The following MCTP2 variants were observed in gnomAD, a reference collection of about 807,000 sequenced individuals.
The protein encoded by MCTP2 is multiple C2 and transmembrane domain-containing protein 2.
MCTP2 carries 132 observed loss-of-function variants against 111.6 expected under a neutral mutation model. That is an observed-to-expected ratio of 1.18 (90% confidence interval 1.03 to 1.37). The LOEUF (loss-of-function observed/expected upper bound fraction) is 1.37. MCTP2 is among the 40% of genes most tolerant of loss of function. MCTP2 has a pLI of 0.00. For synonymous variants in MCTP2, 395 were observed against 387.7 expected (o/e 1.02, Z -0.22); for missense variants, 1,183 against 1,067.9 (o/e 1.11, Z -1.50).
Position 94,480,165 on chromosome 15 carries a change from G to A in MCTP2, c.*1131G>A, listed in dbSNP as rs544559588. On this transcript the variant is annotated 3_prime_UTR_variant, in exon 23 of 23. Coordinates refer to ENST00000357742, the MANE Select transcript of MCTP2 (RefSeq NM_001385001.1). Reference sequence around the variant, plus strand: ...CCTGCCATGTAAAAATCCTGACTTTGTGCGTATATAAAATGTATGCAATTA... The same window carrying A: ...CCTGCCATGTAAAAATCCTGACTTTATGCGTATATAAAATGTATGCAATTA... 1 of 152,094 alleles carries A rather than the reference G, an allele frequency of 6.6e-6. No individual in the cohort carries two copies. The highest frequency in any genetic ancestry group is 2.4e-5 in the African/African-American group (1 of 41,402). 9.4% of individuals were successfully genotyped at this position (152,094 alleles called of 1,614,324 possible).
intron 13 of MCTP2, among the ~76,000 whole-genome samples, chr15:94,384,359 T>C (rs1380224146): frequency 1.3e-5 from 2 of 152,228 alleles, no homozygotes; most frequent in Middle Eastern, 3.2e-3. Context: ...TTTTAGTGAC[T>C]AAATTAATCT....
intron 2 of MCTP2, among the ~76,000 whole-genome samples, chr15:94,307,249 A>G (rs1377845938): frequency 6.6e-6 from 1 of 152,178 alleles, no homozygotes; most frequent in Non-Finnish European, 1.5e-5. Flanking sequence ...TGTCATGGAG[A>G]GAAAGAAAGC....
intron 2 of MCTP2, 52 bp from the exon 3 acceptor site, chr15:94,314,230 T>G: frequency 8.1e-7 from 1 of 1,227,894 alleles, no homozygotes; most frequent in East Asian, 2.3e-5. Flanking sequence ...TCTTCCTGAG[T>G]TGGTATTAAT....
At chr15:94,401,327 A>G (rs1371934957) in intron 16 of MCTP2, among the ~76,000 whole-genome samples, 2 of 152,216 alleles carry the variant, frequency 1.3e-5, no homozygotes, top group Non-Finnish European at 2.9e-5. Flanking sequence ...ACCTTGTAAG[A>G]TTAGCACTAA....
chr15:94,422,405 A>T (rs1409501642), intron 17 of MCTP2, among the ~76,000 whole-genome samples: 14 of 152,212 alleles, frequency 9.2e-5, no homozygotes, highest in Non-Finnish European at 4.4e-5. Flanking sequence ...ACAGTTAGTC[A>T]AACTTCAAGC....
chr15:94,300,432 C>A (rs1298374619), intron 2 of MCTP2, among the ~76,000 whole-genome samples: 2 of 149,718 alleles, frequency 1.3e-5, no homozygotes, highest in Non-Finnish European at 3.0e-5. Context: ...ATGGCATGAA[C>A]GCGGGAGGTA....
intron 1 of MCTP2, among the ~76,000 whole-genome samples, chr15:94,232,407 C>T (rs568373279): frequency 1.3e-5 from 2 of 152,228 alleles, no homozygotes; most frequent in East Asian, 3.9e-4. Flanking sequence ...TACAAGGGTG[C>T]GAACCCTTAA....
chr15:94,444,331 C>T (rs150942640), intron 19 of MCTP2, among the ~76,000 whole-genome samples: 294 of 152,296 alleles, frequency 1.9e-3, no homozygotes, highest in Non-Finnish European at 3.5e-3. Flanking sequence ...CTTCCAGAAA[C>T]GGTATTTTTG....
intron 12 of MCTP2, among the ~76,000 whole-genome samples, chr15:94,379,997 T>TATTTCA (rs2080038361): frequency 6.6e-6 from 1 of 151,484 alleles, no homozygotes; most frequent in South Asian, 2.1e-4. Flanking sequence ...TATCCATTTC[T>TATTTCA]GCTCATCAAA....
intron 10 of MCTP2, among the ~76,000 whole-genome samples, chr15:94,360,530 C>T (rs529986508): frequency 6.6e-6 from 1 of 152,286 alleles, no homozygotes; most frequent in Non-Finnish European, 1.5e-5. Flanking sequence ...AACTCTGTGT[C>T]CCAAAGTGTT....
At chr15:94,457,690 T>A (rs575106836) in intron 19 of MCTP2, among the ~76,000 whole-genome samples, 208 of 152,294 alleles carry the variant, frequency 1.4e-3, no homozygotes, top group African/African-American at 4.8e-3. Flanking sequence ...ACTAAGATGC[T>A]CCAGTACTAG....
chr15:94,357,204 G>A (rs1426144756), intron 9 of MCTP2, among the ~76,000 whole-genome samples: 1 of 152,202 alleles, frequency 6.6e-6, no homozygotes, highest in African/African-American at 2.4e-5. Flanking sequence ...AATATTACAT[G>A]TCATCTACTC....
rs568947313 is a variant in MCTP2, at chr15:94,244,120, A to G, written c.-66+12456A>G. Among the ~76,000 whole-genome samples the G allele has an allele frequency of 2.0e-5, 3 of 147,670 alleles. No individual in the cohort carries two copies. The South Asian group carries it at 6.4e-4, about 31-fold the overall frequency. Reference sequence around the variant, plus strand: ...CACATACATATGTGTATATGTTTATATACACATGTATACACATGCATATGT... The same window carrying G: ...CACATACATATGTGTATATGTTTATGTACACATGTATACACATGCATATGT... On this transcript the variant is annotated intron_variant, in intron 1 of 22. Transcript: ENST00000357742.
chr15:94,243,760 T>C (rs1431657379), intron 1 of MCTP2, among the ~76,000 whole-genome samples: 1 of 148,362 alleles, frequency 6.7e-6, no homozygotes, highest in Non-Finnish European at 1.5e-5. Context: ...CACATGCATA[T>C]GTGTATATAT....
At chr15:94,242,921 G>A (rs931744362) in intron 1 of MCTP2, among the ~76,000 whole-genome samples, 3 of 143,624 alleles carry the variant, frequency 2.1e-5, no homozygotes, top group South Asian at 2.2e-4. Flanking sequence ...ACATATACAC[G>A]TACACATATA....
At chr15:94,408,386 G>T (rs2082001601) in intron 17 of MCTP2, among the ~76,000 whole-genome samples, 1 of 152,142 alleles carries the variant, frequency 6.6e-6, no homozygotes, top group Non-Finnish European at 1.5e-5. Context: ...AAATATATAG[G>T]TATATTCAAT....
At chr15:94,259,153 C>T (rs565985114) in intron 1 of MCTP2, among the ~76,000 whole-genome samples, 1 of 152,264 alleles carries the variant, frequency 6.6e-6, no homozygotes, top group East Asian at 1.9e-4. Context: ...CCAGCCTAGT[C>T]CAGGTCATGG....
intron 1 of MCTP2, among the ~76,000 whole-genome samples, chr15:94,297,007 A>C (rs1047225053): frequency 6.6e-6 from 1 of 152,160 alleles, no homozygotes. Context: ...CTCTCCTTGA[A>C]GGAGCTGGGG....
intron 4 of MCTP2, among the ~76,000 whole-genome samples, chr15:94,337,068 G>A (rs998226892): frequency 2.0e-5 from 3 of 152,014 alleles, no homozygotes; most frequent in African/African-American, 4.8e-5. Flanking sequence ...CTGAGTGGCC[G>A]ACCCCTTTTC....
Sources: allele counts gnomAD v4.1 joint callset (sites outside exome capture counted in the v4.1 genomes callset), GRCh38; gene constraint gnomAD v4.1.1; transcripts MANE v1.5; gene names NCBI Gene and HGNC (gene_info 2026-07-23, HGNC 2026-07-21).